Variants in THSD4 observed in about 807,000 individuals in gnomAD.
THSD4 encodes thrombospondin type 1 domain containing 4, also known as thrombospondin type-1 domain-containing protein 4.
In THSD4, 69 loss-of-function variants were observed where a neutral mutation model predicts 119.0. The ratio of observed to expected loss-of-function variants is 0.58; its 90% CI spans 0.48 to 0.71. THSD4 has a LOEUF of 0.71. Among genes scored for constraint, THSD4 ranks in the 30% least tolerant of loss-of-function variants. The pLI is 0.00. For synonymous variants in THSD4, 524 were observed against 540.4 expected (o/e 0.97, Z 0.42); for missense variants, 1,393 against 1,391.1 (o/e 1.00, Z -0.02).
intron 6 of THSD4, among the ~76,000 whole-genome samples, chr15:71,298,953 A>C (rs1198184297): frequency 6.6e-6 from 1 of 152,186 alleles, no homozygotes; most frequent in Non-Finnish European, 1.5e-5. Flanking sequence ...TGGCTGGAGA[A>C]GCAGAACCTT....
At chr15:71,763,969 A>C (rs2053670365) in intron 15 of THSD4, among the ~76,000 whole-genome samples, 2 of 151,932 alleles carry the variant, frequency 1.3e-5, no homozygotes, top group South Asian at 4.2e-4. Flanking sequence ...CTGGAGGCTG[A>C]GGTGGGATGA....
intron 7 of THSD4, among the ~76,000 whole-genome samples, chr15:71,648,514 C>T (rs1485289964): frequency 2.6e-5 from 4 of 152,140 alleles, no homozygotes; most frequent in Non-Finnish European, 5.9e-5. Context: ...CAAAAGAAAG[C>T]ATTTTCTTTA....
chr15:71,387,448 G>C (rs903339728), intron 6 of THSD4, among the ~76,000 whole-genome samples: 15 of 152,114 alleles, frequency 9.9e-5, no homozygotes, highest in Non-Finnish European at 1.6e-4. Context: ...TCCTTCCCTA[G>C]AGTCTTTTTC....
intron 7 of THSD4, among the ~76,000 whole-genome samples, chr15:71,528,986 C>G (rs2048569704): frequency 6.6e-6 from 1 of 152,220 alleles, no homozygotes; most frequent in Non-Finnish European, 1.5e-5. Flanking sequence ...ACCTGAGTCT[C>G]TTTCCTCCTG....
intron 6 of THSD4, among the ~76,000 whole-genome samples, chr15:71,351,549 C>G (rs1183815622): frequency 6.6e-6 from 1 of 152,172 alleles, no homozygotes; most frequent in Non-Finnish European, 1.5e-5. Context: ...TCTCCTGGTA[C>G]ACAAACTAAG....
chr15:71,402,825 C>G (rs1329078287), intron 6 of THSD4, among the ~76,000 whole-genome samples: 1 of 152,158 alleles, frequency 6.6e-6, no homozygotes, highest in Non-Finnish European at 1.5e-5. Context: ...GTGAAGCATC[C>G]ACTACATATG....
chr15:71,119,153 C>T (rs2040388431), intron 1 of THSD4, among the ~76,000 whole-genome samples: 1 of 152,190 alleles, frequency 6.6e-6, no homozygotes, highest in South Asian at 2.1e-4. Flanking sequence ...TTGAGGCTTA[C>T]TTGCCTGAGG....
intron 8 of THSD4, among the ~76,000 whole-genome samples, chr15:71,673,616 T>C (rs887403566): frequency 1.3e-5 from 2 of 152,264 alleles, no homozygotes; most frequent in Non-Finnish European, 2.9e-5. Context: ...TGCTTTCTCT[T>C]GTGGGCATTT....
chr15:71,623,355 T>C (rs1595797987), intron 7 of THSD4, among the ~76,000 whole-genome samples: 1 of 152,200 alleles, frequency 6.6e-6, no homozygotes, highest in African/African-American at 2.4e-5. Context: ...ATCATCACAA[T>C]AGCCTTATGA....
intron 6 of THSD4, among the ~76,000 whole-genome samples, chr15:71,358,242 T>G (rs1191998539): frequency 6.6e-6 from 1 of 152,238 alleles, no homozygotes; most frequent in East Asian, 1.9e-4. Flanking sequence ...AAGCTGTTCC[T>G]TAACATTCTG....
At chr15:71,212,150 C>G (rs940908045) in intron 3 of THSD4, among the ~76,000 whole-genome samples, 9 of 152,068 alleles carry the variant, frequency 5.9e-5, no homozygotes, top group Non-Finnish European at 1.0e-4. Context: ...GCTTTTTCTT[C>G]CTTTCTCTTT....
rs73430207 is a variant in THSD4, at chr15:71,686,715, T to G, written c.1357+25981T>G. ...GTGCACTCTGTTGTTCCAATCTCTGTGGGGGGAAGCAGTAGCAAGAAAACT... is the reference window on the plus strand; with the variant it reads ...GTGCACTCTGTTGTTCCAATCTCTGGGGGGGGAAGCAGTAGCAAGAAAACT... On this transcript the variant is annotated intron_variant, in intron 8 of 17. Coordinates refer to ENST00000261862, the MANE Select transcript of THSD4 (RefSeq NM_024817.3). 3.8e-3 allele frequency among the ~76,000 whole-genome samples: 578 copies of G among 152,200 alleles called. 5 individuals carry two copies. Among genetic ancestry groups the G allele is most frequent in the African/African-American group, 0.013 (547 of 41,540 alleles).
chr15:71,413,643 AT>A (rs2046719448), intron 7 of THSD4, among the ~76,000 whole-genome samples: 1 of 152,208 alleles, frequency 6.6e-6, no homozygotes. Context: ...TTGTTCTCAC[AT>A]TTTGAATGCA....
intron 1 of THSD4, among the ~76,000 whole-genome samples, chr15:71,126,188 C>T: frequency 6.6e-6 from 1 of 152,310 alleles, no homozygotes; most frequent in East Asian, 1.9e-4. Context: ...GCCTAGTGGA[C>T]AGTCAGGGCT....
chr15:71,197,106 C>T (rs972118533), intron 3 of THSD4, among the ~76,000 whole-genome samples: 10 of 152,194 alleles, frequency 6.6e-5, no homozygotes, highest in Non-Finnish European at 1.5e-4. Flanking sequence ...TGGGTCGCAA[C>T]GTGCCCTTCA....
At chr15:71,192,833 C>T (rs558900179) in intron 3 of THSD4, among the ~76,000 whole-genome samples, 36 of 152,228 alleles carry the variant, frequency 2.4e-4, no homozygotes, top group African/African-American at 7.5e-4. Context: ...GCCCTACCCT[C>T]GGGGAGCTGT....
At chr15:71,560,006 T>C (rs1355166586) in intron 7 of THSD4, among the ~76,000 whole-genome samples, 1 of 152,204 alleles carries the variant, frequency 6.6e-6, no homozygotes, top group African/African-American at 2.4e-5. Flanking sequence ...TTTTCCTCCC[T>C]ATTGTCTTAT....
At chr15:71,356,979 C>T (rs1316457918) in intron 6 of THSD4, among the ~76,000 whole-genome samples, 3 of 152,182 alleles carry the variant, frequency 2.0e-5, no homozygotes, top group Non-Finnish European at 4.4e-5. Context: ...GCACATCAAA[C>T]GTGTGAGAGA....
intron 7 of THSD4, among the ~76,000 whole-genome samples, chr15:71,476,347 T>A (rs138611835): frequency 1.1e-3 from 165 of 152,320 alleles, no homozygotes; most frequent in African/African-American, 3.8e-3. Context: ...TTCTCCTGCC[T>A]CAGCCTCCAG....
Sources: allele counts gnomAD v4.1 joint callset (sites outside exome capture counted in the v4.1 genomes callset), GRCh38; gene constraint gnomAD v4.1.1; transcripts MANE v1.5; gene names NCBI Gene and HGNC (gene_info 2026-07-23, HGNC 2026-07-21).